CAST: variants seen among roughly 807,000 people sequenced by gnomAD.
The protein encoded by CAST is calpastatin, also known as MIR583 host.
Under a neutral mutation model 119.6 loss-of-function variants are expected in CAST, and 76 were observed. That is an observed-to-expected ratio of 0.64 (90% CI 0.53 to 0.77). The LOEUF (loss-of-function observed/expected upper bound fraction) is 0.77, where lower values mean the gene tolerates loss of function less well. Ranked by LOEUF, CAST falls within the 30% of genes least tolerant of loss-of-function variation. The pLI is 0.00. For missense variants in CAST, 953 were observed against 946.5 expected (o/e 1.01, Z -0.09); for synonymous variants, 319 against 331.6 (o/e 0.96, Z 0.41).
chr5:96,675,291 G>A (rs566822817), intron 1 of CAST, among the ~76,000 whole-genome samples: 50 of 152,244 alleles, frequency 3.3e-4, no homozygotes, highest in African/African-American at 1.1e-3. Context: ...ACAAGATGCC[G>A]CCTTGGCATC....
the CAST span, among the ~76,000 whole-genome samples, chr5:95,964,765 G>T: frequency 1.5e-4 from 23 of 152,262 alleles, no homozygotes; most frequent in Middle Eastern, 3.4e-3. Context: ...GGAGAGGCAG[G>T]GTCGGAATCA....
chr5:96,750,712 G>A (rs1561579201), intron 20 of CAST, 30 bp downstream of exon 20: 1 of 1,443,528 alleles, frequency 6.9e-7, no homozygotes, highest in East Asian at 2.3e-5. Context: ...TTTGAGCAGT[G>A]GCTTGAGAAA....
At chr5:96,372,843 A>T in the CAST span, among the ~76,000 whole-genome samples, 1 of 152,152 alleles carries the variant, frequency 6.6e-6, no homozygotes, top group Non-Finnish European at 1.5e-5. Flanking sequence ...TGAAAAGGAC[A>T]TCTTTTGCAT....
chr5:96,747,463 G>GGGCCGGGCGCGGTGGCTC, intron 18 of CAST, 71 bp downstream of exon 18: 1 of 1,044,664 alleles, frequency 9.6e-7, no homozygotes, highest in East Asian at 2.4e-5. Flanking sequence ...AGATAATTTT[G>GGGCCGGGCGCGGTGGCTC]ACAGTCTGGA....
chr5:96,470,134 A>G, the CAST span, among the ~76,000 whole-genome samples: 13 of 151,470 alleles, frequency 8.6e-5, no homozygotes, highest in Non-Finnish European at 1.8e-4. Flanking sequence ...TACTTCCCAG[A>G]TGAAAAATTA....
the CAST span, among the ~76,000 whole-genome samples, chr5:96,217,200 G>A: frequency 3.3e-5 from 1 of 30,690 alleles, no homozygotes; most frequent in Non-Finnish European, 7.0e-5. Flanking sequence ...CACCATGCTA[G>A]CTAATTTTTT....
At chr5:96,300,948 T>G in the CAST span, among the ~76,000 whole-genome samples, 1 of 152,084 alleles carries the variant, frequency 6.6e-6, no homozygotes, top group Non-Finnish European at 1.5e-5. Context: ...GTGTGTTGAT[T>G]TTGTATCCTG....
the CAST span, among the ~76,000 whole-genome samples, chr5:96,059,999 A>T: frequency 2.0e-5 from 3 of 152,176 alleles, no homozygotes; most frequent in African/African-American, 4.8e-5. Context: ...GAAGGATTAG[A>T]GTAGAATACT....
chr5:96,193,415 G>A, the CAST span, among the ~76,000 whole-genome samples: 4 of 152,162 alleles, frequency 2.6e-5, no homozygotes, highest in Admixed American at 1.3e-4. Context: ...AAGATACTGG[G>A]AGGGAAAACT....
At chr5:96,439,320 A>G in the CAST span, among the ~76,000 whole-genome samples, 16 of 141,426 alleles carry the variant, frequency 1.1e-4, no homozygotes. Context: ...GGAGAACAGG[A>G]GTAGAAGCAA....
At chr5:96,595,648 C>T (rs900926773) in intron 1 of CAST, among the ~76,000 whole-genome samples, 12 of 151,864 alleles carry the variant, frequency 7.9e-5, no homozygotes, top group Non-Finnish European at 1.8e-4. Flanking sequence ...TGACACAGAA[C>T]CTGAAATGGA....
chr5:96,699,828 G>T (rs1399304880), intron 3 of CAST, among the ~76,000 whole-genome samples: 2 of 152,144 alleles, frequency 1.3e-5, no homozygotes, highest in Non-Finnish European at 2.9e-5. Flanking sequence ...AGATATCCAT[G>T]ACAAAGGAAA....
the CAST span, among the ~76,000 whole-genome samples, chr5:96,400,590 G>A: frequency 1.3e-5 from 2 of 152,190 alleles, no homozygotes; most frequent in Non-Finnish European, 2.9e-5. Context: ...TCAGCATTAT[G>A]AACCCACAGA....
At chr5:96,346,694 T>C in the CAST span, among the ~76,000 whole-genome samples, 1 of 152,148 alleles carries the variant, frequency 6.6e-6, no homozygotes, top group Admixed American at 6.6e-5. Context: ...AAGAAACTGT[T>C]CCAATCTCTA....
chr5:96,246,889 A>T, the CAST span, among the ~76,000 whole-genome samples: 2 of 152,246 alleles, frequency 1.3e-5, no homozygotes, highest in African/African-American at 4.8e-5. Context: ...GAATTAACCT[A>T]TGGAAGGATC....
the CAST span, among the ~76,000 whole-genome samples, chr5:96,486,775 C>T: frequency 2.6e-3 from 391 of 152,258 alleles, 3 homozygotes; most frequent in African/African-American, 9.1e-3. Flanking sequence ...GCCCTTAGAG[C>T]CTGCTCCTTG....
chr5:96,042,556 G>GATATGATTA, the CAST span, among the ~76,000 whole-genome samples: 1 of 152,124 alleles, frequency 6.6e-6, no homozygotes, highest in East Asian at 1.9e-4. Flanking sequence ...GTAAGTGTTC[G>GATATGATTA]ATATGATTAA....
At chr5:96,028,255 CAATT>C in the CAST span, among the ~76,000 whole-genome samples, 1 of 151,722 alleles carries the variant, frequency 6.6e-6, no homozygotes, top group East Asian at 1.9e-4. Flanking sequence ...AAATAGCAAA[CAATT>C]GATAGTATTC....
At chr5:96,704,539 T>C (rs1416143346) in intron 3 of CAST, among the ~76,000 whole-genome samples, 5 of 152,216 alleles carry the variant, frequency 3.3e-5, no homozygotes. Context: ...ACTTCTTAGG[T>C]GGAAACATTT....
Sources: gnomAD v4.1 joint callset for allele counts (sites outside exome capture counted in the v4.1 genomes callset) on GRCh38, gnomAD v4.1.1 for gene constraint, MANE v1.5 for transcripts, NCBI Gene and HGNC (gene_info 2026-07-23, HGNC 2026-07-21) for gene names.